BCKDHA: variants seen among roughly 807,000 people sequenced by gnomAD.
The protein encoded by BCKDHA is branched chain keto acid dehydrogenase E1 subunit alpha, also known as 2-oxoisovalerate dehydrogenase subunit alpha, mitochondrial.
Under a neutral mutation model 52.2 loss-of-function variants are expected in BCKDHA, and 43 were observed. The observed-to-expected ratio is 0.82, with a 90% confidence interval of 0.64 to 1.06. The LOEUF (loss-of-function observed/expected upper bound fraction) is 1.06. BCKDHA is among the 50% of genes least tolerant of loss of function. BCKDHA has a pLI of 0.00. For synonymous variants in BCKDHA, 234 were observed against 247.9 expected, an observed-to-expected ratio of 0.94 and a Z score of 0.53; for missense variants, 527 against 621.3, an observed-to-expected ratio of 0.85 and a Z score of 1.61.
chr19:41,399,527 C>T (rs1440845200), intron 1 of BCKDHA: 1 of 151,682 alleles, frequency 6.6e-6, no homozygotes, highest in Non-Finnish European at 1.5e-5. Context: ...TCCCCTACTT[C>T]ATTTTTGGTG....
intron 7 of BCKDHA, 63 bp from the exon 8 acceptor site, chr19:41,422,935 C>T: frequency 6.4e-7 from 1 of 1,566,224 alleles, no homozygotes; most frequent in Non-Finnish European, 8.6e-7. Context: ...CATCCCCCAT[C>T]CTCCCTCCTG....
At chr19:41,420,841 G>T (rs886458382) in intron 5 of BCKDHA, among the ~76,000 whole-genome samples, 1 of 152,224 alleles carries the variant, frequency 6.6e-6, no homozygotes, top group Non-Finnish European at 1.5e-5. Context: ...TGCCAGGCCT[G>T]CACCCTCATA....
chr19:41,417,957 T>G (rs1201704578), intron 4 of BCKDHA, among the ~76,000 whole-genome samples: 1 of 150,976 alleles, frequency 6.6e-6, no homozygotes, highest in Non-Finnish European at 1.5e-5. Context: ...GTAGATCTAG[T>G]GGTGCACACC....
rs146656248 is a variant in BCKDHA at position 41,417,739 on chromosome 19, A to T, written c.485-1396A>T. 5.5e-4 allele frequency among the ~76,000 whole-genome samples: 83 copies of T among 152,094 alleles called. 1 individual carries two copies. The highest frequency in any genetic ancestry group is 2.0e-3 in the African/African-American group (81 of 41,476). On this transcript the variant is annotated intron_variant, in intron 4 of 8. Coordinates refer to ENST00000269980, the MANE Select transcript of BCKDHA (RefSeq NM_000709.4). ...CGGGAGTTTGAGACCAGCCTGACCA[A>T]CATGGAGAAACCCCGTCTCTCCTGA... is the stretch of plus-strand genomic sequence containing the variant.
At chr19:41,417,080 C>G (rs948692245) in intron 4 of BCKDHA, among the ~76,000 whole-genome samples, 12 of 152,126 alleles carry the variant, frequency 7.9e-5, no homozygotes, top group African/African-American at 2.7e-4. Context: ...GGCATGATCT[C>G]GGCTCACTGC....
At chr19:41,415,363 TCATGGGAGCCGCTGAGCTCTCCA>T (rs1474110843) in intron 4 of BCKDHA, 10 of 152,254 alleles carry the variant, frequency 6.6e-5, no homozygotes, top group African/African-American at 1.9e-4. Context: ...CTCATGGGAA[TCATGGGAGCCGCTGAGCTCTCCA>T]CATGGGAGAG....
At chr19:41,406,948 G>C (rs114481527) in intron 1 of BCKDHA, among the ~76,000 whole-genome samples, 1 of 151,962 alleles carries the variant, frequency 6.6e-6, no homozygotes, top group Non-Finnish European at 1.5e-5. Context: ...GGCTGATCTC[G>C]AACCACTGGC....
At chr19:41,407,950 ATTTTTTTT>A (rs144717663) in intron 1 of BCKDHA, among the ~76,000 whole-genome samples, 8 of 124,468 alleles carry the variant, frequency 6.4e-5, no homozygotes, top group Non-Finnish European at 8.3e-5. Flanking sequence ...TTCTGATGTA[ATTTTTTTT>A]TTTTTTTTTT....
rs1168303235 is a variant in BCKDHA, at chr19:41,424,938, C to T, written c.*330C>T. On this transcript the variant is annotated 3_prime_UTR_variant, in exon 9 of 9. Transcript: ENST00000269980. Reference sequence around the variant, plus strand: ...GGACATGGCAGGTCAGCCTGTGGAACTTGCGCAGGTGCGAGTGGCCAGCAG... The same window carrying T: ...GGACATGGCAGGTCAGCCTGTGGAATTTGCGCAGGTGCGAGTGGCCAGCAG... 1 of 284,712 alleles carries T rather than the reference C, an allele frequency of 3.5e-6. No homozygotes were observed. The highest frequency in any genetic ancestry group is 6.7e-6 in the Non-Finnish European group (1 of 149,938). 17.6% of individuals were successfully genotyped at this position (284,712 alleles called of 1,614,324 possible). A position where few individuals can be genotyped will look rare whatever the true frequency, so the allele number is the denominator to read the frequency against.
chr19:41,410,280 G>A (rs932926573), intron 1 of BCKDHA, among the ~76,000 whole-genome samples: 36 of 152,190 alleles, frequency 2.4e-4, no homozygotes, highest in African/African-American at 8.7e-4. Context: ...GGCCTCGAAT[G>A]CCAGGATGAA....
intron 1 of BCKDHA, among the ~76,000 whole-genome samples, chr19:41,404,430 C>T (rs1419649836): frequency 3.4e-5 from 5 of 148,536 alleles, no homozygotes; most frequent in African/African-American, 5.0e-5. Context: ...GCTGGGACTA[C>T]AGGCGCCCGC....
Position 41,424,572 on chromosome 19 carries a change from C to T in BCKDHA, c.1302C>T (p.Tyr434=), listed in dbSNP as rs398123491. The change falls in exon 9 of 9, where the codon TAC becomes TAT. Residue 434 remains tyrosine (Y), a synonymous_variant. Transcript: ENST00000269980. The part of the protein sequence containing the change: ...QESLARHLQT[Y]GEHYPLDHFD... ...CTCTGGCCCGCCACCTGCAGACCTA[C>T]GGGGAGCACTACCCACTGGATCACT... 35 of 1,613,452 alleles carry T rather than the reference C, an allele frequency of 2.2e-5. No individual in the cohort carries two copies. The highest frequency in any genetic ancestry group is 1.1e-4 in the East Asian group (5 of 44,890).
In BCKDHA at chr19:41,422,696, C is replaced by T. The variant is rs758972542; in HGVS notation, c.921C>T (p.Tyr307=). Residue 307 remains tyrosine (Y), a synonymous_variant, in exon 7 of 9, where the codon TAC becomes TAT. Transcript: ENST00000269980. ...ATGGTAATGATGTGTTTGCCGTATA[C>T]AACGCCACAAAGGAGGCCCGACGGC... The part of the protein sequence containing the change: ...RVDGNDVFAV[Y]NATKEARRRA... 3.1e-6 allele frequency: 5 copies of T among 1,614,062 alleles called. No individual in the cohort carries two copies. In the African/African-American group the frequency reaches 6.7e-5, roughly 22 times the overall value.
At chr19:41,405,491 C>T (rs2039182986) in intron 1 of BCKDHA, among the ~76,000 whole-genome samples, 1 of 152,076 alleles carries the variant, frequency 6.6e-6, no homozygotes, top group Non-Finnish European at 1.5e-5. Context: ...GTTATCCAGG[C>T]TGGTCTTGAA....
rs1024625934 is a variant in BCKDHA at position 41,398,046 on chromosome 19, A to C, written c.108+111A>C. The C allele has an allele frequency of 3.4e-6, 3 of 886,420 alleles. No individual in the cohort carries two copies. The African/African-American group carries it at 5.0e-5, about 15-fold the overall frequency. The allele number at this position is 886,420 out of a possible 1,614,324, so 54.9% of individuals were successfully genotyped here. A position where few individuals can be genotyped will look rare whatever the true frequency, so the allele number is the denominator to read the frequency against. On this transcript the variant is annotated intron_variant, in intron 1 of 8. Transcript: ENST00000269980. Reference sequence around the variant, plus strand: ...TGAAGGAAGGGCTGTCACAAAAGGGAAAAAGAGTGGGAGACTCCTTGGAGA... The same window carrying C: ...TGAAGGAAGGGCTGTCACAAAAGGGCAAAAGAGTGGGAGACTCCTTGGAGA...
chr19:41,423,257 G>A (rs1053726641), intron 8 of BCKDHA, 88 bp downstream of exon 8: 5 of 1,532,474 alleles, frequency 3.3e-6, no homozygotes, highest in Non-Finnish European at 4.4e-6. Flanking sequence ...GAACTGGGAG[G>A]CTCAGGGATA....
chr19:41,410,702 G>T lies in BCKDHA; in HGVS notation c.174G>T (p.Ser58=), dbSNP rs576803251. ...LDDKPQFPGA[S]AEFIDKLEFI... is the part of the protein sequence containing the mutation. ...ACAAGCCCCAGTTCCCAGGGGCCTCGGCGGAGTTTATAGATAAGTTGGAAT... is the reference window on the plus strand; with the variant it reads ...ACAAGCCCCAGTTCCCAGGGGCCTCTGCGGAGTTTATAGATAAGTTGGAAT... Residue 58 remains serine, a synonymous_variant, in exon 2 of 9, where the codon TCG becomes TCT. Coordinates refer to ENST00000269980, the MANE Select transcript of BCKDHA (RefSeq NM_000709.4). 1 of 1,614,118 alleles carries T rather than the reference G, an allele frequency of 6.2e-7. No individual in the cohort carries two copies. The highest frequency in any genetic ancestry group is 2.2e-5 in the East Asian group (1 of 44,882).
intron 3 of BCKDHA, 92 bp downstream of exon 3, chr19:41,411,101 A>G (rs1389806526): frequency 1.4e-6 from 2 of 1,408,594 alleles, no homozygotes; most frequent in Non-Finnish European, 2.0e-6. Flanking sequence ...CAAGGAGGAC[A>G]GATTCTTTTT....
At chr19:41,406,424 G>A (rs923242955) in intron 1 of BCKDHA, among the ~76,000 whole-genome samples, 1 of 152,070 alleles carries the variant, frequency 6.6e-6, no homozygotes, top group African/African-American at 2.4e-5. Context: ...TTGAGACAGG[G>A]TATCACTTTG....
Sources: gnomAD v4.1 joint callset for allele counts (sites outside exome capture counted in the v4.1 genomes callset) on GRCh38, gnomAD v4.1.1 for gene constraint, MANE v1.5 for transcripts, NCBI Gene and HGNC (gene_info 2026-07-23, HGNC 2026-07-21) for gene names.